Variants in PHLPP2 observed in about 807,000 individuals in gnomAD.
PHLPP2 encodes the protein PH domain and leucine rich repeat protein phosphatase 2.
A neutral mutation model predicts 124.9 loss-of-function variants in PHLPP2; 66 were observed. The ratio of observed to expected loss-of-function variants is 0.53; its 90% CI spans 0.43 to 0.65. The LOEUF is 0.65. Among genes scored for constraint, PHLPP2 ranks in the 30% least tolerant of loss-of-function variants. PHLPP2 has a pLI of 0.00. For synonymous variants in PHLPP2, 681 were observed against 624.7 expected (o/e 1.09, Z -1.34); for missense variants, 1,685 against 1,600.4 (o/e 1.05, Z -0.90).
Position 71,723,908 on chromosome 16 carries a change from G to A in PHLPP2, c.-7+421C>T, listed in dbSNP as rs1462385713. 13 of 826,964 alleles carry A rather than the reference G, an allele frequency of 1.6e-5. 1 individual carries two copies. The highest frequency in any genetic ancestry group is 2.0e-5 in the Non-Finnish European group (13 of 657,110). The allele number at this position is 826,964 out of a possible 1,614,324, so 51.2% of individuals were successfully genotyped here. On this transcript the variant is annotated intron_variant, in intron 1 of 18. Coordinates refer to ENST00000568954, the MANE Select transcript of PHLPP2 (RefSeq NM_015020.3). ...CACAGAGACGCCCGGCCCGCGCGAC[G>A]GCGTGCGGAGCCTCGGCGGCGCGCG...
intron 3 of PHLPP2, among the ~76,000 whole-genome samples, chr16:71,697,549 T>G (rs1171319831): frequency 6.6e-6 from 1 of 152,236 alleles, no homozygotes; most frequent in Non-Finnish European, 1.5e-5. Context: ...GGCTGTGTTT[T>G]AGCCTGTTTT....
chr16:71,661,031 T>G (rs2044784960), intron 13 of PHLPP2, among the ~76,000 whole-genome samples: 1 of 151,948 alleles, frequency 6.6e-6, no homozygotes, highest in Non-Finnish European at 1.5e-5. Flanking sequence ...ATATTCAGAT[T>G]ACTCTATTTT....
intron 9 of PHLPP2, among the ~76,000 whole-genome samples, chr16:71,675,011 T>C (rs955921435): frequency 5.3e-5 from 8 of 152,202 alleles, no homozygotes; most frequent in Non-Finnish European, 1.2e-4. Context: ...TCCTACTTTT[T>C]CATGCTCACA....
In PHLPP2 at chr16:71,719,964, A is replaced by ATTTTTTTTTT. The variant is rs756642820; in HGVS notation, c.-7+4355_-7+4364dup. 3.7e-3 allele frequency among the ~76,000 whole-genome samples: 198 copies of ATTTTTTTTTT among 53,236 alleles called. 22 individuals carry two copies. The highest frequency in any genetic ancestry group is 0.015 in the African/African-American group (181 of 11,976). The allele number at this position is 53,236 out of a possible 152,430, so 34.9% of individuals were successfully genotyped here. On this transcript the variant is annotated intron_variant, in intron 1 of 18. Transcript: ENST00000568954. Reference sequence around the variant, plus strand: ...AGGTGCACAACACCATGCCCAGCTAATTTTTTTTTTTTTTTTTTTTTTTTG... The same window carrying ATTTTTTTTTT: ...AGGTGCACAACACCATGCCCAGCTAATTTTTTTTTTTTTTTTTTTTTTTTTTTTTTTTTTG...
In PHLPP2 at chr16:71,652,996, A is replaced by G. The variant is rs200931725; in HGVS notation, c.2611T>C (p.Leu871=). The G allele has an allele frequency of 6.2e-7, 1 of 1,613,116 alleles. No individual in the cohort carries two copies. Among genetic ancestry groups the G allele is most frequent in the Admixed American group, 1.7e-5 (1 of 60,000 alleles). The change falls in exon 18 of 19, where the codon TTG becomes CTG. Residue 871 remains leucine (L), a synonymous_variant. Coordinates refer to ENST00000568954, the MANE Select transcript of PHLPP2 (RefSeq NM_015020.3). ...HRKLGMAGQK[L]GSSALLCYIR... ...TAGCACAGGAGAGCGGAGGAGCCCA[A>G]CTTCTGGCCAGCCATTCCTAATTTC...
chr16:71,690,094 G>A (rs2045094705), intron 4 of PHLPP2, among the ~76,000 whole-genome samples: 1 of 152,174 alleles, frequency 6.6e-6, no homozygotes, highest in African/African-American at 2.4e-5. Flanking sequence ...TAGGACAGAT[G>A]GAAGAAATGG....
chr16:71,659,620 A>G (rs1207583826), intron 13 of PHLPP2, among the ~76,000 whole-genome samples: 1 of 152,158 alleles, frequency 6.6e-6, no homozygotes, highest in Admixed American at 6.5e-5. Flanking sequence ...CATCTCCACT[A>G]AACATTTATC....
chr16:71,723,787 T>A, intron 1 of PHLPP2: 1 of 1,313,102 alleles, frequency 7.6e-7, no homozygotes, highest in Non-Finnish European at 9.8e-7. Flanking sequence ...CCCGGATCCC[T>A]CCCGGCCGGC....
In PHLPP2 at chr16:71,687,588, A is replaced by G. The variant is rs79547122; in HGVS notation, c.609+2931T>C. Among the ~76,000 whole-genome samples the G allele has an allele frequency of 3.3e-3, 501 of 152,080 alleles. 1 individual carries two copies. The highest frequency in any genetic ancestry group is 0.012 in the African/African-American group (481 of 41,492). On this transcript the variant is annotated intron_variant, in intron 4 of 18. Transcript: ENST00000568954. Reference sequence around the variant, plus strand: ...CATGTTATTTTGCTCCTTTTTCTCAATTCTTCTTGCCTTATTTTAGCGTTA... The same window carrying G: ...CATGTTATTTTGCTCCTTTTTCTCAGTTCTTCTTGCCTTATTTTAGCGTTA...
At chr16:71,691,183 GT>G (rs1280010143) in intron 3 of PHLPP2, among the ~76,000 whole-genome samples, 1 of 152,212 alleles carries the variant, frequency 6.6e-6, no homozygotes. Context: ...GCCAGCTGCA[GT>G]GGCTCCCGCC....
At chr16:71,705,575 G>A (rs766161154) in intron 2 of PHLPP2, among the ~76,000 whole-genome samples, 8 of 151,746 alleles carry the variant, frequency 5.3e-5, no homozygotes, top group Non-Finnish European at 7.4e-5. Context: ...GCAGTGGTGC[G>A]ATCTTGGTTC....
intron 1 of PHLPP2, chr16:71,723,893 C>T (rs2045415799): frequency 1.0e-6 from 1 of 982,068 alleles, no homozygotes; most frequent in Non-Finnish European, 1.3e-6. Flanking sequence ...CACAGAGACG[C>T]CCGGCCCGCG....
intron 12 of PHLPP2, among the ~76,000 whole-genome samples, chr16:71,665,379 T>A (rs553954576): frequency 6.6e-6 from 1 of 152,322 alleles, no homozygotes; most frequent in South Asian, 2.1e-4. Context: ...TTGTCAACAC[T>A]GAATATTACA....
intron 8 of PHLPP2, 53 bp from the exon 9 acceptor site, chr16:71,676,702 CT>C (rs1270724314): frequency 7.6e-7 from 1 of 1,315,190 alleles, no homozygotes; most frequent in East Asian, 2.3e-5. Flanking sequence ...ATTAAATGTG[CT>C]TACCAGAATA....
intron 2 of PHLPP2, among the ~76,000 whole-genome samples, chr16:71,704,691 G>A (rs746801485): frequency 4.6e-5 from 7 of 152,136 alleles, no homozygotes; most frequent in Non-Finnish European, 7.4e-5. Flanking sequence ...AAAGAGAAAT[G>A]GGAAATAAAC....
rs757133627 is a variant in PHLPP2 at position 71,684,506 on chromosome 16, C to T, written c.705G>A (p.Glu235=). The change falls in exon 5 of 19, where the codon GAG becomes GAA. Residue 235 remains glutamate, a synonymous_variant. Coordinates refer to ENST00000568954, the MANE Select transcript of PHLPP2 (RefSeq NM_015020.3). ...ATGCTTGCCGTTGCCATCGCTGGTA[C>T]TCGGCCAAAGTCTCGAAGCTGACAT... ...TYHVSFETLA[E]YQRWQRQASK... 3.1e-6 allele frequency: 5 copies of T among 1,613,882 alleles called. 1 individual carries two copies. In the Admixed American group the frequency reaches 5.0e-5, roughly 16 times the overall value.
intron 1 of PHLPP2, among the ~76,000 whole-genome samples, chr16:71,722,494 T>C (rs1267813384): frequency 6.6e-6 from 1 of 152,074 alleles, no homozygotes; most frequent in East Asian, 1.9e-4. Context: ...TTTTACAGAG[T>C]TCTAGTTTAC....
intron 2 of PHLPP2, among the ~76,000 whole-genome samples, chr16:71,711,806 G>A (rs72801722): frequency 0.11 from 16,001 of 152,178 alleles, 1,253 homozygotes; most frequent in South Asian, 0.37. Flanking sequence ...GGGCTTTTAC[G>A]CAGAAAATAC....
In PHLPP2 at chr16:71,667,320, A is replaced by G; in HGVS notation, c.1642T>C (p.Leu548=). The change falls in exon 12 of 19, where the codon TTG becomes CTG. Residue 548 remains leucine (L), a synonymous_variant. Coordinates refer to ENST00000568954, the MANE Select transcript of PHLPP2 (RefSeq NM_015020.3). The stretch of plus-strand genomic sequence containing the variant: ...CCCAGCATCAGTTTTCTAAGACTCA[A>G]GCTACTCAGAATTCTAAGGGGGGAG... The part of the protein sequence containing the change: ...TEVPVRILSS[L]SLRKLMLGHN... The G allele has an allele frequency of 3.1e-6, 5 of 1,612,848 alleles. No homozygotes were observed. Among genetic ancestry groups the G allele is most frequent in the Non-Finnish European group, 4.2e-6 (5 of 1,179,226 alleles).
Sources: allele counts gnomAD v4.1 joint callset (sites outside exome capture counted in the v4.1 genomes callset), GRCh38; gene constraint gnomAD v4.1.1; transcripts MANE v1.5; gene names NCBI Gene and HGNC (gene_info 2026-07-23, HGNC 2026-07-21).